The following TNFRSF21 variants were observed in gnomAD, a reference collection of about 807,000 sequenced individuals.
TNFRSF21 encodes the protein TNF receptor superfamily member 21, also known as tumor necrosis factor receptor superfamily member 21.
Under a neutral mutation model 45.6 loss-of-function variants are expected in TNFRSF21, and 19 were observed. The observed-to-expected ratio is 0.42, with a 90% CI of 0.29 to 0.61. TNFRSF21 has a LOEUF of 0.61. Among genes scored for constraint, TNFRSF21 ranks in the 20% least tolerant of loss-of-function variants. The pLI is 0.23. For synonymous variants in TNFRSF21, 314 were observed against 335.5 expected, an observed-to-expected ratio of 0.94 and a Z score of 0.70; for missense variants, 737 against 851.5, an observed-to-expected ratio of 0.87 and a Z score of 1.67.
In TNFRSF21 at chr6:47,286,549, G is replaced by A. The variant is rs566872069; in HGVS notation, c.143C>T (p.Ser48Leu). 19 of 1,612,426 alleles carry A rather than the reference G, an allele frequency of 1.2e-5. No individual in the cohort carries two copies. The highest frequency in any genetic ancestry group is 8.8e-5 in the South Asian group (8 of 91,048). The change falls in exon 2 of 6, where the codon TCG (serine) becomes TTG (leucine). Residue 48 changes from serine to leucine, a missense_variant. By Grantham distance (145) the Ser-to-Leu change is moderately radical. Transcript: ENST00000296861. The part of the protein sequence containing the change: ...TTTAQPEQKA[S>L]NLIGTYRHVD... ...ATGGCGGTATGTGCCAATGAGATTC[G>A]AGGCCTTCTGTTCTGGCTGAGCTGT...
chr6:47,253,920 A>T (rs1403051945), intron 3 of TNFRSF21, among the ~76,000 whole-genome samples: 1 of 152,222 alleles, frequency 6.6e-6, no homozygotes, highest in Admixed American at 6.5e-5. Context: ...GATGGTACAG[A>T]GCCCTATACA....
intron 3 of TNFRSF21, among the ~76,000 whole-genome samples, chr6:47,271,046 G>C (rs562825876): frequency 7.0e-4 from 106 of 152,324 alleles, no homozygotes; most frequent in African/African-American, 2.4e-3. Context: ...TTTGATTAGT[G>C]TACCTGAAAG....
chr6:47,279,620 T>A (rs898542720), intron 3 of TNFRSF21, among the ~76,000 whole-genome samples: 1 of 152,182 alleles, frequency 6.6e-6, no homozygotes, highest in East Asian at 1.9e-4. Context: ...TAAATTGAAA[T>A]TTTTGGACCC....
chr6:47,301,882 A>G (rs1259422851), intron 1 of TNFRSF21, among the ~76,000 whole-genome samples: 1 of 152,162 alleles, frequency 6.6e-6, no homozygotes, highest in African/African-American at 2.4e-5. Context: ...CGCAAAACGG[A>G]TTAACAAAAA....
Position 47,286,241 on chromosome 6 carries a change from G to C in TNFRSF21, c.451C>G (p.Pro151Ala). The change falls in exon 2 of 6, where the codon CCT (proline) becomes GCT (alanine). Residue 151 changes from proline (P) to alanine (A), a missense_variant. Pro to Ala is a conservative substitution (Grantham distance 27). Transcript: ENST00000296861. ...NATCAPHTVC[P>A]VGWGVRKKGT... ...TTCTTCCGCACACCCCAACCCACAG[G>C]ACACACCGTATGGGGGGCACAGGTA... 2.5e-6 allele frequency: 4 copies of C among 1,614,162 alleles called. No individual in the cohort carries two copies. Among genetic ancestry groups the C allele is most frequent in the Non-Finnish European group, 3.4e-6 (4 of 1,180,026 alleles).
intron 4 of TNFRSF21, among the ~76,000 whole-genome samples, chr6:47,247,709 G>A (rs1764843064): frequency 6.6e-6 from 1 of 152,172 alleles, no homozygotes; most frequent in Non-Finnish European, 1.5e-5. Context: ...GATTCTCTGA[G>A]TTGATTACAC....
chr6:47,283,949 C>A lies in TNFRSF21; in HGVS notation c.1232G>T (p.Cys411Phe). The A allele has an allele frequency of 6.2e-7, 1 of 1,613,232 alleles. No homozygotes were observed. Among genetic ancestry groups the A allele is most frequent in the Non-Finnish European group, 8.5e-7 (1 of 1,179,652 alleles). The change falls in exon 3 of 6, where the codon TGC becomes TTC. Residue 411 changes from cysteine (C) to phenylalanine (F), a missense_variant. Physicochemically the swap from Cys to Phe is radical, Grantham distance 205. Coordinates refer to ENST00000296861, the MANE Select transcript of TNFRSF21 (RefSeq NM_014452.5). ...TQNREKWIYY[C>F]NGHGIDILKL... ...GAGAGAAGGCTCACCATGGCCATTGCAGTAGTAGATCCATTTCTCCCGGTT... is the reference window on the plus strand; with the variant it reads ...GAGAGAAGGCTCACCATGGCCATTGAAGTAGTAGATCCATTTCTCCCGGTT...
chr6:47,268,888 A>T (rs912204073), intron 3 of TNFRSF21, among the ~76,000 whole-genome samples: 2 of 151,988 alleles, frequency 1.3e-5, no homozygotes, highest in Admixed American at 6.6e-5. Flanking sequence ...CAATATCCTT[A>T]TTTATCTTCT....
chr6:47,274,684 C>T (rs1762471826), intron 3 of TNFRSF21, among the ~76,000 whole-genome samples: 1 of 152,208 alleles, frequency 6.6e-6, no homozygotes, highest in Non-Finnish European at 1.5e-5. Context: ...AAGAAACTAT[C>T]ATCAGAGTGA....
intron 3 of TNFRSF21, among the ~76,000 whole-genome samples, chr6:47,275,799 G>A (rs534869025): frequency 6.6e-6 from 1 of 152,216 alleles, no homozygotes; most frequent in Admixed American, 6.5e-5. Flanking sequence ...AAGCCTGGGG[G>A]AAAGCTCTTT....
chr6:47,233,067 G>A, intron 5 of TNFRSF21, 73 bp from the exon 6 acceptor site: 1 of 1,386,724 alleles, frequency 7.2e-7, no homozygotes, highest in Non-Finnish European at 1.0e-6. Flanking sequence ...AAGGAGAGCA[G>A]GGTCCTAGAG....
intron 3 of TNFRSF21, among the ~76,000 whole-genome samples, chr6:47,281,861 G>A (rs992803506): frequency 6.6e-6 from 1 of 151,700 alleles, no homozygotes; most frequent in Admixed American, 6.6e-5. Context: ...AAAGAAGGGG[G>A]AATTGAAGCT....
At position 47,309,710 on chromosome 6, in the gene TNFRSF21, G is replaced by A. The variant is rs889284155; in HGVS notation, c.-199C>T. ...TCTAGGGGCGCTCAGCACCTGCCCA[G>A]CGGCGCGGCCGCCCAGGCGGGGAGA... On this transcript the variant is annotated 5_prime_UTR_variant, in exon 1 of 6. Transcript: ENST00000296861. The A allele has an allele frequency of 3.1e-5, 22 of 715,560 alleles. No individual in the cohort carries two copies. The highest frequency in any genetic ancestry group is 3.9e-5 in the Non-Finnish European group (20 of 511,382). 44.3% of individuals were successfully genotyped at this position (715,560 alleles called of 1,614,324 possible). A position where few individuals can be genotyped will look rare whatever the true frequency, so the allele number is the denominator to read the frequency against.
chr6:47,287,028 C>T (rs976004827), intron 1 of TNFRSF21, among the ~76,000 whole-genome samples: 6 of 152,020 alleles, frequency 3.9e-5, no homozygotes, highest in Non-Finnish European at 5.9e-5. Flanking sequence ...CAAAATTTGC[C>T]TTACATCACA....
chr6:47,281,904 T>C (rs983941078), intron 3 of TNFRSF21, among the ~76,000 whole-genome samples: 96 of 152,250 alleles, frequency 6.3e-4, no homozygotes, highest in African/African-American at 2.1e-3. Context: ...AATAGTTGTC[T>C]TATTCAAGTT....
At chr6:47,291,741 T>C (rs537742378) in intron 1 of TNFRSF21, among the ~76,000 whole-genome samples, 1 of 152,296 alleles carries the variant, frequency 6.6e-6, no homozygotes, top group South Asian at 2.1e-4. Context: ...GCAGGAGGGA[T>C]TTTTCCTAAA....
intron 1 of TNFRSF21, 38 bp downstream of exon 1, chr6:47,309,378 C>A: frequency 6.6e-7 from 1 of 1,514,224 alleles, no homozygotes; most frequent in Non-Finnish European, 8.8e-7. Context: ...CCTTCTGCTC[C>A]GGCGCCGCCG....
chr6:47,266,882 C>T (rs1219471765), intron 3 of TNFRSF21, among the ~76,000 whole-genome samples: 4 of 152,180 alleles, frequency 2.6e-5, no homozygotes, highest in Non-Finnish European at 4.4e-5. Context: ...GCCAAAGTTG[C>T]CTCACTCCAC....
At chr6:47,292,451 G>A (rs1349218703) in intron 1 of TNFRSF21, among the ~76,000 whole-genome samples, 1 of 151,704 alleles carries the variant, frequency 6.6e-6, no homozygotes, top group Non-Finnish European at 1.5e-5. Flanking sequence ...GAATTTATTT[G>A]GTTTTAGCTT....
Sources: allele counts gnomAD v4.1 joint callset (sites outside exome capture counted in the v4.1 genomes callset), GRCh38; gene constraint gnomAD v4.1.1; transcripts MANE v1.5; gene names NCBI Gene and HGNC (gene_info 2026-07-23, HGNC 2026-07-21).